ANO6: variants seen among roughly 807,000 people sequenced by gnomAD.
ANO6 encodes the protein anoctamin-6.
ANO6 carries 106 observed loss-of-function variants against 117.5 expected under a neutral mutation model. The ratio of observed to expected loss-of-function variants is 0.90; its 90% CI spans 0.77 to 1.06. The LOEUF (loss-of-function observed/expected upper bound fraction) is 1.06. ANO6 is among the 50% of genes least tolerant of loss of function. The pLI, the probability that ANO6 is intolerant of heterozygous loss-of-function variation, is 0.00. For synonymous variants in ANO6, 367 were observed against 385.1 expected (o/e 0.95, Z 0.55); for missense variants, 955 against 1,121.1 (o/e 0.85, Z 2.12).
chr12:45,226,988 T>C lies in ANO6; in HGVS notation c.70+10597T>C, dbSNP rs910229609. ...ATTAACAAAAATTATCATTTTCTTT[T>C]TTTTTTTTTTTTTTTTTGAAGATGG... On this transcript the variant is annotated intron_variant, in intron 1 of 19. Transcript: ENST00000320560. Among the ~76,000 whole-genome samples, 54 of 145,628 alleles carry C rather than the reference T, an allele frequency of 3.7e-4. 1 individual carries two copies. The highest frequency in any genetic ancestry group is 1.1e-3 in the South Asian group (5 of 4,604).
chr12:45,221,503 G>T (rs1259678513), intron 1 of ANO6, among the ~76,000 whole-genome samples: 1 of 152,142 alleles, frequency 6.6e-6, no homozygotes, highest in African/African-American at 2.4e-5. Flanking sequence ...ACACTTTAAG[G>T]ATTTTGGGTT....
intron 8 of ANO6, among the ~76,000 whole-genome samples, chr12:45,358,622 G>A (rs2137478730): frequency 6.6e-6 from 1 of 152,222 alleles, no homozygotes; most frequent in East Asian, 1.9e-4. Context: ...AGATTAATTT[G>A]CAGAAAATAG....
Position 45,264,571 on chromosome 12 carries a change from T to C in ANO6, c.71-37443T>C, listed in dbSNP as rs188198344. 5.0e-3 allele frequency among the ~76,000 whole-genome samples: 759 copies of C among 152,332 alleles called. 2 individuals carry two copies. The highest frequency in any genetic ancestry group is 0.024 in the Middle Eastern group (7 of 294). ...TGTCATGGACCAAAGAGTAAAGTTTTAAAATAGATGATTAATATTGAGAGT... is the reference window on the plus strand; with the variant it reads ...TGTCATGGACCAAAGAGTAAAGTTTCAAAATAGATGATTAATATTGAGAGT... On this transcript the variant is annotated intron_variant, in intron 1 of 19. Transcript: ENST00000320560.
intron 1 of ANO6, among the ~76,000 whole-genome samples, chr12:45,287,983 G>C (rs532715713): frequency 6.6e-6 from 1 of 152,118 alleles, no homozygotes; most frequent in Admixed American, 6.5e-5. Flanking sequence ...TTATGGCAAG[G>C]GGGAGAGTTA....
At chr12:45,393,698 C>G (rs1033944824) in intron 12 of ANO6, among the ~76,000 whole-genome samples, 8 of 152,164 alleles carry the variant, frequency 5.3e-5, no homozygotes, top group Non-Finnish European at 7.4e-5. Flanking sequence ...ATTCAACATT[C>G]TTAAAGAAAA....
At chr12:45,406,608 AC>A (rs1259350978) in intron 15 of ANO6, among the ~76,000 whole-genome samples, 1 of 152,148 alleles carries the variant, frequency 6.6e-6, no homozygotes, top group African/African-American at 2.4e-5. Flanking sequence ...AGAAAAAAGA[AC>A]TGTTTTAGGA....
At chr12:45,237,551 TC>T (rs1565637250) in intron 1 of ANO6, among the ~76,000 whole-genome samples, 1 of 152,238 alleles carries the variant, frequency 6.6e-6, no homozygotes. Flanking sequence ...TGGTGTTATT[TC>T]TGAGGCCTCT....
At chr12:45,439,139 GA>G (rs1384065405) in intron 19 of ANO6, among the ~76,000 whole-genome samples, 1 of 152,182 alleles carries the variant, frequency 6.6e-6, no homozygotes, top group African/African-American at 2.4e-5. Context: ...GGACTATGAG[GA>G]AGTGTCACCT....
chr12:45,216,358 G>A lies in ANO6; in HGVS notation c.37G>A (p.Glu13Lys). The change falls in exon 1 of 20, where the codon GAG becomes AAG. Residue 13 changes from glutamate (E) to lysine (K), a missense_variant. Physicochemically the swap from Glu to Lys is moderately conservative, Grantham distance 56. Transcript: ENST00000320560. Reference sequence around the variant, plus strand: ...GAGCAGGAATGTTTTGCTACAAATGGAGGAGGAGGAGGACGACGACGATGG... The same window carrying A: ...GAGCAGGAATGTTTTGCTACAAATGAAGGAGGAGGAGGACGACGACGATGG... The part of the protein sequence containing the change: ...KMSRNVLLQM[E>K]EEEDDDDGDI... 1.2e-6 allele frequency: 2 copies of A among 1,607,838 alleles called. No individual in the cohort carries two copies. Among genetic ancestry groups the A allele is most frequent in the Non-Finnish European group, 8.5e-7 (1 of 1,176,598 alleles).
intron 1 of ANO6, among the ~76,000 whole-genome samples, chr12:45,258,868 C>CT (rs1200500061): frequency 6.6e-6 from 1 of 152,140 alleles, no homozygotes; most frequent in Non-Finnish European, 1.5e-5. Flanking sequence ...AGTTATAGTC[C>CT]ATGCCCTCAG....
chr12:45,439,752 CTGTATG>C (rs1320929573), exon 20 of ANO6: 19 of 1,548,328 alleles, frequency 1.2e-5, no homozygotes, highest in Non-Finnish European at 1.7e-5. Context: ...CAGTTGACTG[CTGTATG>C]TGTTATAGGT....
intron 1 of ANO6, among the ~76,000 whole-genome samples, chr12:45,219,362 C>T (rs2137115680): frequency 6.6e-6 from 1 of 152,290 alleles, no homozygotes; most frequent in East Asian, 1.9e-4. Context: ...CATTTAGAGA[C>T]AGGGTCTCCC....
chr12:45,347,947 A>G, intron 4 of ANO6, 81 bp from the exon 5 acceptor site: 3 of 1,404,480 alleles, frequency 2.1e-6, no homozygotes, highest in Non-Finnish European at 2.0e-6. Context: ...AAAGCTACCA[A>G]CAACATAAGA....
downstream of ANO6, among the ~76,000 whole-genome samples, chr12:45,436,868 C>G (rs138687221): frequency 2.6e-5 from 4 of 152,184 alleles, no homozygotes; most frequent in African/African-American, 7.2e-5. Context: ...ACTAGGGAGG[C>G]TGAGGCAGAA....
Position 45,440,044 on chromosome 12 carries a change from A to C in ANO6, c.*106A>C, listed in dbSNP as rs1048730096. ...GCATTGTTTGGCTCATTAATATTCC[A>C]ATACTGGCATTTAAGACCATTAATT... On this transcript the variant is annotated 3_prime_UTR_variant, in exon 20 of 20. Transcript: ENST00000425752. The C allele has an allele frequency of 5.2e-6, 6 of 1,154,772 alleles. No homozygotes were observed. In the African/African-American group the frequency reaches 8.0e-5, roughly 15 times the overall value. 71.5% of individuals were successfully genotyped at this position (1,154,772 alleles called of 1,614,324 possible). A position where few individuals can be genotyped will look rare whatever the true frequency, so the allele number is the denominator to read the frequency against.
intron 1 of ANO6, among the ~76,000 whole-genome samples, chr12:45,286,096 G>A (rs1435979151): frequency 6.6e-6 from 1 of 152,228 alleles, no homozygotes. Context: ...TCTACTGATA[G>A]AGTTGCACTT....
chr12:45,399,582 G>A (rs1286080169), intron 12 of ANO6, among the ~76,000 whole-genome samples: 1 of 152,108 alleles, frequency 6.6e-6, no homozygotes, highest in African/African-American at 2.4e-5. Flanking sequence ...CTTCTCAGTG[G>A]CTGTTACTGA....
At chr12:45,263,861 C>G (rs1305043940) in intron 1 of ANO6, among the ~76,000 whole-genome samples, 1 of 152,142 alleles carries the variant, frequency 6.6e-6, no homozygotes, top group African/African-American at 2.4e-5. Flanking sequence ...AGCTTGGCTC[C>G]CTTCTGTGAA....
intron 1 of ANO6, among the ~76,000 whole-genome samples, chr12:45,220,235 ATGGT>A (rs1356236466): frequency 1.3e-5 from 2 of 151,934 alleles, no homozygotes; most frequent in Admixed American, 6.6e-5. Flanking sequence ...TTGTTTGTGG[ATGGT>A]TGGTTGGTTG....
Sources: gnomAD v4.1 joint callset for allele counts (sites outside exome capture counted in the v4.1 genomes callset) on GRCh38, gnomAD v4.1.1 for gene constraint, MANE v1.5 for transcripts, NCBI Gene and HGNC (gene_info 2026-07-23, HGNC 2026-07-21) for gene names.